The following DMD variants were observed in gnomAD, a reference collection of about 807,000 sequenced individuals.
The protein encoded by DMD is dystrophin.
A neutral mutation model predicts 330.1 loss-of-function variants in DMD; 63 were observed. The ratio of observed to expected loss-of-function variants is 0.19; its 90% CI spans 0.16 to 0.24. The LOEUF (loss-of-function observed/expected upper bound fraction) is 0.24, where lower values mean the gene tolerates loss of function less well. Ranked by LOEUF, DMD falls within the 10% of genes least tolerant of loss-of-function variation. The pLI is 1.00. For missense variants in DMD, 3,344 were observed against 2,684.1 expected, an observed-to-expected ratio of 1.25 and a Z score of -5.43; for synonymous variants, 1,223 against 959.8, an observed-to-expected ratio of 1.27 and a Z score of -5.07.
intron 11 of DMD, among the ~76,000 whole-genome samples, chrX:32,623,247 G>C (rs1204480802): frequency 9.0e-6 from 1 of 111,613 alleles, no homozygotes; most frequent in Non-Finnish European, 1.9e-5. Context: ...GAGTTTTCTG[G>C]GTGATTAGCA....
chrX:31,827,530 TAAC>T (rs975755255), intron 49 of DMD, among the ~76,000 whole-genome samples: 11 of 111,529 alleles, frequency 9.9e-5, no homozygotes, highest in Non-Finnish European at 1.9e-4. Context: ...AACAAAAACT[TAAC>T]AAAGAAACAA....
In DMD at chrX:32,573,870, A is replaced by G. The variant is rs752494862; in HGVS notation, c.1603-24T>C. On this transcript the variant is annotated intron_variant, in intron 13 of 78. Transcript: ENST00000357033. ...ACCTGGAGAAGAGACAATCAAGCAC[A>G]GCATCAGCAAACAATTGGTAACTAC... 3.5e-6 allele frequency: 4 copies of G among 1,152,914 alleles called. No homozygotes were observed. The South Asian group carries it at 7.3e-5, about 21-fold the overall frequency.
In DMD at chrX:33,327,913, C is replaced by T. The variant is rs960786665; in HGVS notation, c.7+11346G>A. Among the ~76,000 whole-genome samples, 4 of 111,766 alleles carry T rather than the reference C, an allele frequency of 3.6e-5. No homozygotes were observed. The East Asian group carries it at 8.5e-4, about 24-fold the overall frequency. ...TTGTTCCAAAGATTAGCTAAAATAACGCATGAACTGCACCTAGCATGTTAA... is the reference window on the plus strand; with the variant it reads ...TTGTTCCAAAGATTAGCTAAAATAATGCATGAACTGCACCTAGCATGTTAA... On this transcript the variant is annotated intron_variant, in intron 1 of 17. Coordinates refer to the DMD transcript ENST00000288447.
At chrX:32,182,937 G>A (rs2096932355) in intron 44 of DMD, among the ~76,000 whole-genome samples, 1 of 111,377 alleles carries the variant, frequency 9.0e-6, no homozygotes, top group Non-Finnish European at 1.9e-5. Context: ...ATTGGGGAAA[G>A]TAAGGGAATT....
chrX:32,238,364 C>T (rs760986514), intron 43 of DMD, among the ~76,000 whole-genome samples: 14 of 110,106 alleles, frequency 1.3e-4, no homozygotes, highest in Non-Finnish European at 2.3e-4. Context: ...TGGCTCTTTG[C>T]AGGAGGCCTT....
intron 2 of DMD, among the ~76,000 whole-genome samples, chrX:32,850,723 T>C (rs1161741379): frequency 8.9e-6 from 1 of 111,996 alleles, no homozygotes. Flanking sequence ...GTCTTTCTTT[T>C]GTCATACTTC....
chrX:32,003,409 T>C (rs944734312), intron 44 of DMD, among the ~76,000 whole-genome samples: 1 of 111,769 alleles, frequency 8.9e-6, no homozygotes, highest in Non-Finnish European at 1.9e-5. Flanking sequence ...CAAAACAAAA[T>C]CTTACCTTGC....
intron 23 of DMD, among the ~76,000 whole-genome samples, chrX:32,465,499 C>T (rs1211258867): frequency 9.2e-6 from 1 of 108,985 alleles, no homozygotes; most frequent in East Asian, 2.9e-4. Flanking sequence ...GATCACCTTG[C>T]TGTTATCTTT....
intron 44 of DMD, among the ~76,000 whole-genome samples, chrX:31,997,366 C>T (rs1444137895): frequency 1.8e-5 from 2 of 109,778 alleles, no homozygotes; most frequent in East Asian, 2.9e-4. Flanking sequence ...TCTCAGGTCT[C>T]GCACCAGAAA....
chrX:32,129,978 C>G (rs1454538572), intron 44 of DMD, among the ~76,000 whole-genome samples: 1 of 89,580 alleles, frequency 1.1e-5, no homozygotes, highest in Non-Finnish European at 2.3e-5. Flanking sequence ...TTTTCAAAGA[C>G]TTTTTTTTTT....
intron 7 of DMD, among the ~76,000 whole-genome samples, chrX:32,785,922 A>C (rs1303879415): frequency 9.0e-6 from 1 of 110,991 alleles, no homozygotes; most frequent in Non-Finnish European, 1.9e-5. Context: ...TCAAATGCCC[A>C]ATCGTTATTT....
chrX:32,616,569 G>A (rs1036117220), intron 11 of DMD, among the ~76,000 whole-genome samples: 2 of 109,661 alleles, frequency 1.8e-5, no homozygotes, highest in Admixed American at 2.0e-4. Flanking sequence ...TTTTTGTTTA[G>A]AGCGAGACCG....
intron 44 of DMD, among the ~76,000 whole-genome samples, chrX:31,978,421 A>G (rs1034984563): frequency 2.7e-5 from 3 of 110,757 alleles, no homozygotes; most frequent in African/African-American, 9.9e-5. Flanking sequence ...TATGTTATTA[A>G]TACACCCTCC....
chrX:33,056,323 T>A (rs765149592), intron 1 of DMD, among the ~76,000 whole-genome samples: 118 of 107,009 alleles, frequency 1.1e-3, no homozygotes, highest in African/African-American at 3.7e-3. Flanking sequence ...AACTCAATTA[T>A]CTGACCCCTG....
In DMD at chrX:32,171,035, T is replaced by G. The variant is rs1218333628; in HGVS notation, c.6438+45881A>C. Among the ~76,000 whole-genome samples the G allele has an allele frequency of 5.4e-5, 6 of 111,981 alleles. No homozygotes were observed. The East Asian group carries it at 1.7e-3, about 31-fold the overall frequency. On this transcript the variant is annotated intron_variant, in intron 44 of 78. Coordinates refer to ENST00000357033, the MANE Select transcript of DMD (RefSeq NM_004006.3). The stretch of plus-strand genomic sequence containing the variant: ...TAAAATTAGTCATACTGTGGTGATA[T>G]CTACATCTCTATAAAACTAGTAATA...
At chrX:32,884,178 T>C (rs1002796867) in intron 2 of DMD, among the ~76,000 whole-genome samples, 3 of 111,224 alleles carry the variant, frequency 2.7e-5, no homozygotes. Context: ...TAGGGTGACA[T>C]AGGAAAGTAA....
chrX:31,376,409 A>G (rs2059887798), intron 60 of DMD, among the ~76,000 whole-genome samples: 1 of 111,764 alleles, frequency 8.9e-6, no homozygotes, highest in African/African-American at 3.3e-5. Flanking sequence ...TGTAATTACT[A>G]TTTGTACAGA....
intron 1 of DMD, among the ~76,000 whole-genome samples, chrX:33,275,264 T>A (rs769698803): frequency 7.3e-4 from 81 of 111,325 alleles, no homozygotes; most frequent in Admixed American, 2.1e-3. Context: ...AAATTAGCAA[T>A]GAATACTGGT....
intron 44 of DMD, among the ~76,000 whole-genome samples, chrX:32,075,012 C>A (rs1754452463): frequency 8.9e-6 from 1 of 111,785 alleles, no homozygotes; most frequent in South Asian, 3.8e-4. Context: ...AGGTTCGGAA[C>A]TTCTGCTTTA....
Sources: allele counts gnomAD v4.1 joint callset (sites outside exome capture counted in the v4.1 genomes callset), GRCh38; gene constraint gnomAD v4.1.1; transcripts MANE v1.5; gene names NCBI Gene and HGNC (gene_info 2026-07-23, HGNC 2026-07-21).